ZNRF3: variants seen among roughly 807,000 people sequenced by gnomAD.
ZNRF3 encodes the protein E3 ubiquitin-protein ligase ZNRF3.
In ZNRF3, 23 loss-of-function variants were observed where a neutral mutation model predicts 72.5. The ratio of observed to expected loss-of-function variants is 0.32; its 90% CI spans 0.23 to 0.45. ZNRF3 has a LOEUF of 0.45. Among genes scored for constraint, ZNRF3 ranks in the 20% least tolerant of loss-of-function variants. ZNRF3 has a pLI of 1.00. For missense variants in ZNRF3, 1,169 were observed against 1,272.1 expected (o/e 0.92, Z 1.23); for synonymous variants, 610 against 545.3 (o/e 1.12, Z -1.65).
chr22:28,898,439 C>G (rs975186945), intron 1 of ZNRF3, among the ~76,000 whole-genome samples: 9 of 152,234 alleles, frequency 5.9e-5, no homozygotes, highest in African/African-American at 2.2e-4. Flanking sequence ...CTGGCTCCTT[C>G]CAGTCTGGCG....
chr22:28,920,050 C>T (rs1023198924), intron 1 of ZNRF3, among the ~76,000 whole-genome samples: 2 of 151,628 alleles, frequency 1.3e-5, no homozygotes, highest in South Asian at 2.1e-4. Context: ...ACTGCAACCT[C>T]TGCACCTACC....
In ZNRF3 at chr22:29,049,417, C is replaced by T. The variant is rs1214339193; in HGVS notation, c.1236C>T (p.Thr412=). 4.4e-6 allele frequency: 7 copies of T among 1,608,280 alleles called. No homozygotes were observed. The African/African-American group carries it at 9.3e-5, about 21-fold the overall frequency. The stretch of plus-strand genomic sequence containing the variant: ...AGCAGAGCCTCTATTCCCCGCAGAC[C>T]CCCGCCTACATCCGCAGCTACCCAC... ...HGEQSLYSPQ[T]PAYIRSYPPL... The change falls in exon 8 of 9, where the codon ACC becomes ACT. Residue 412 remains threonine (T), a synonymous_variant. Coordinates refer to ENST00000544604, the MANE Select transcript of ZNRF3 (RefSeq NM_001206998.2). This position sits in a 1 kb window ranked among gnomAD's most constrained non-coding sequence, Gnocchi z 5.2.
chr22:28,938,497 G>A (rs1174909696), intron 1 of ZNRF3, among the ~76,000 whole-genome samples: 3 of 152,282 alleles, frequency 2.0e-5, no homozygotes, highest in Non-Finnish European at 2.9e-5. Flanking sequence ...TATCAAAACA[G>A]TCTTACTCAT....
chr22:28,981,750 G>A (rs924878871), intron 1 of ZNRF3, among the ~76,000 whole-genome samples: 13 of 152,088 alleles, frequency 8.5e-5, no homozygotes, highest in Non-Finnish European at 1.6e-4. Context: ...TAATCCCAGC[G>A]TTTTGGGAGT....
rs2035613122 is a variant in ZNRF3 at position 28,973,541 on chromosome 22, G to A, written c.301-13535G>A. Among the ~76,000 whole-genome samples, 3 of 152,074 alleles carry A rather than the reference G, an allele frequency of 2.0e-5. 1 individual carries two copies. The highest frequency in any genetic ancestry group is 2.9e-5 in the Non-Finnish European group (2 of 68,014). ...AGAAGAGGCAGTACTGGGATCCACC[G>A]TGGGCCAGTGCAACTCGAAGCCCTT... On this transcript the variant is annotated intron_variant, in intron 1 of 8. Transcript: ENST00000544604.
Position 29,033,225 on chromosome 22 carries a change from C to T in ZNRF3, c.427-9270C>T, listed in dbSNP as rs536874333. Among the ~76,000 whole-genome samples, 6 of 152,164 alleles carry T rather than the reference C, an allele frequency of 3.9e-5. No individual in the cohort carries two copies. The East Asian group carries it at 1.2e-3, about 29-fold the overall frequency. Reference sequence around the variant, plus strand: ...AATTAGCCGGGCATGATGGTGCACACCTGTAATCCCAACTACTCGGGAGGC... The same window carrying T: ...AATTAGCCGGGCATGATGGTGCACATCTGTAATCCCAACTACTCGGGAGGC... On this transcript the variant is annotated intron_variant, in intron 2 of 8. Coordinates refer to ENST00000544604, the MANE Select transcript of ZNRF3 (RefSeq NM_001206998.2).
intron 1 of ZNRF3, among the ~76,000 whole-genome samples, chr22:28,981,518 AG>A (rs2035764186): frequency 6.6e-6 from 1 of 152,180 alleles, no homozygotes; most frequent in South Asian, 2.1e-4. Context: ...AGGAGAAAGT[AG>A]AAATAAAGGT....
chr22:29,041,785 T>C (rs574933710), intron 2 of ZNRF3, among the ~76,000 whole-genome samples: 17 of 152,288 alleles, frequency 1.1e-4, no homozygotes, highest in African/African-American at 3.6e-4. Flanking sequence ...TCCAGAGGTC[T>C]TCAGCTTGTG....
In ZNRF3 at chr22:29,044,707, GC is replaced by G. The variant is rs2037029577; in HGVS notation, c.634-71del. The G allele has an allele frequency of 2.8e-6, 3 of 1,056,978 alleles. No individual in the cohort carries two copies. The African/African-American group carries it at 4.7e-5, about 16-fold the overall frequency. 65.5% of individuals were successfully genotyped at this position (1,056,978 alleles called of 1,614,324 possible). A position where few individuals can be genotyped will look rare whatever the true frequency, so the allele number is the denominator to read the frequency against. On this transcript the variant is annotated intron_variant, in intron 4 of 8. Transcript: ENST00000544604. ...GTCACCCCATCTTTATCCTGACAAA[GC>G]CAAGATAGCCCATGTGCCGCTTACC...
At chr22:29,042,268 CCTT>C (rs890484103) in intron 2 of ZNRF3, among the ~76,000 whole-genome samples, 2 of 152,174 alleles carry the variant, frequency 1.3e-5, no homozygotes, top group Non-Finnish European at 2.9e-5. Flanking sequence ...TTGGGAATGT[CCTT>C]CTCCTAGCTA....
At position 28,898,476 on chromosome 22, in the gene ZNRF3, G is replaced by A. The variant is rs558502557; in HGVS notation, c.300+14410G>A. Among the ~76,000 whole-genome samples the A allele has an allele frequency of 5.3e-4, 81 of 152,340 alleles. No homozygotes were observed. In the Middle Eastern group the frequency reaches 0.01, roughly 19 times the overall value. ...GTGCCTGCCCTGGGAACATTGTTCA[G>A]AACATGCTGGAGAAGAGAATATCAC... On this transcript the variant is annotated intron_variant, in intron 1 of 8. Coordinates refer to ENST00000544604, the MANE Select transcript of ZNRF3 (RefSeq NM_001206998.2).
chr22:28,966,789 T>G (rs2035470857), intron 1 of ZNRF3, among the ~76,000 whole-genome samples: 2 of 151,918 alleles, frequency 1.3e-5, no homozygotes, highest in African/African-American at 2.4e-5. Flanking sequence ...AAGCTAAGGT[T>G]AATTTATTAT....
intron 1 of ZNRF3, among the ~76,000 whole-genome samples, chr22:28,957,903 TTGCTGG>T (rs952010233): frequency 1.3e-4 from 20 of 151,928 alleles, no homozygotes; most frequent in Non-Finnish European, 2.5e-4. Flanking sequence ...AGCATAACTC[TTGCTGG>T]GCGCGGTGGT....
intron 1 of ZNRF3, among the ~76,000 whole-genome samples, chr22:28,889,297 A>G (rs2033845728): frequency 6.6e-6 from 1 of 152,186 alleles, no homozygotes; most frequent in Admixed American, 6.5e-5. Context: ...CTGCAAGTGT[A>G]TGCGTATTCT....
At chr22:28,911,165 G>A (rs535142558) in intron 1 of ZNRF3, among the ~76,000 whole-genome samples, 1 of 152,272 alleles carries the variant, frequency 6.6e-6, no homozygotes, top group African/African-American at 2.4e-5. Flanking sequence ...AGGATGTCTG[G>A]GGACAGAAGT....
rs148878966 is a variant in ZNRF3 at position 28,982,705 on chromosome 22, G to T, written c.301-4371G>T. ...CCTTTGCCTAGAATACTCCATCCTTGGGACAGGTCAGTTCCCTAAGAATAT... is the reference window on the plus strand; with the variant it reads ...CCTTTGCCTAGAATACTCCATCCTTTGGACAGGTCAGTTCCCTAAGAATAT... On this transcript the variant is annotated intron_variant, in intron 1 of 8. Transcript: ENST00000544604. Among the ~76,000 whole-genome samples the T allele has an allele frequency of 3.2e-3, 484 of 152,130 alleles. 8 individuals are homozygous for T. The highest frequency in any genetic ancestry group is 0.01 in the East Asian group (54 of 5,168).
At position 29,030,170 on chromosome 22, in the gene ZNRF3, G is replaced by T. The variant is rs1207879355; in HGVS notation, c.427-12325G>T. ...CTTTCCTGGGTTTTTGGTGCTCCTTGTCAGGTGTTAAAACAAAGAGGATCA... is the reference window on the plus strand; with the variant it reads ...CTTTCCTGGGTTTTTGGTGCTCCTTTTCAGGTGTTAAAACAAAGAGGATCA... On this transcript the variant is annotated intron_variant, in intron 2 of 8. Coordinates refer to ENST00000544604, the MANE Select transcript of ZNRF3 (RefSeq NM_001206998.2). This position sits in a 1 kb window ranked among gnomAD's most constrained non-coding sequence, Gnocchi z 4.2. Among the ~76,000 whole-genome samples the T allele has an allele frequency of 6.6e-6, 1 of 152,170 alleles. No individual in the cohort carries two copies. Among genetic ancestry groups the T allele is most frequent in the Non-Finnish European group, 1.5e-5 (1 of 68,026 alleles).
intron 1 of ZNRF3, among the ~76,000 whole-genome samples, chr22:28,974,292 A>C (rs2035630581): frequency 1.3e-5 from 2 of 152,098 alleles, no homozygotes; most frequent in Non-Finnish European, 2.9e-5. Context: ...GCATGTTGCC[A>C]CTTAATACTG....
In ZNRF3 at chr22:28,918,611, C is replaced by G. The variant is rs534386088; in HGVS notation, c.300+34545C>G. Among the ~76,000 whole-genome samples, 4 of 150,444 alleles carry G rather than the reference C, an allele frequency of 2.7e-5. No individual in the cohort carries two copies. In the South Asian group the frequency reaches 8.4e-4, roughly 32 times the overall value. ...TCTCCTCAAAAGGAGTATTTCTTTT[C>G]AAGAGAGATAGTTAGAATACAGCCA... On this transcript the variant is annotated intron_variant, in intron 1 of 8. Coordinates refer to ENST00000544604, the MANE Select transcript of ZNRF3 (RefSeq NM_001206998.2).
Sources: gnomAD v4.1 joint callset for allele counts (sites outside exome capture counted in the v4.1 genomes callset) on GRCh38, gnomAD v4.1.1 for gene constraint, Gnocchi (gnomAD v3.1) non-coding constraint, MANE v1.5 for transcripts, NCBI Gene and HGNC (gene_info 2026-07-23, HGNC 2026-07-21) for gene names.